The following MAP3K3 variants were observed in gnomAD, a reference collection of about 807,000 sequenced individuals.
The protein encoded by MAP3K3 is MAP/ERK kinase kinase 3.
MAP3K3 carries 12 observed loss-of-function variants against 80.9 expected under a neutral mutation model. That is an observed-to-expected ratio of 0.15 (90% confidence interval 0.10 to 0.24). MAP3K3 has a LOEUF of 0.24. MAP3K3 is among the 10% of genes least tolerant of loss of function. The pLI is 1.00. For synonymous variants in MAP3K3, 272 were observed against 307.1 expected (o/e 0.89, Z 1.19); for missense variants, 596 against 834.7 (o/e 0.71, Z 3.52).
rs560227836 is a variant in MAP3K3, at chr17:63,687,525, A to T, written c.711-1002A>T. Among the ~76,000 whole-genome samples, 156 of 151,518 alleles carry T rather than the reference A, an allele frequency of 1.0e-3. 1 individual carries two copies. The highest frequency in any genetic ancestry group is 3.4e-3 in the African/African-American group (140 of 41,306). On this transcript the variant is annotated intron_variant, in intron 8 of 15. Transcript: ENST00000361733. ...AGATTCCGTCTCAAAAAGAAAAAAA[A>T]AAAAAGCAAAAAAAATTAGCTGGGC... is the stretch of plus-strand genomic sequence containing the variant.
At position 63,691,223 on chromosome 17, in the gene MAP3K3, A is replaced by G; in HGVS notation, c.1334A>G (p.Tyr445Cys). The G allele has an allele frequency of 6.2e-7, 1 of 1,614,158 alleles. No homozygotes were observed. The highest frequency in any genetic ancestry group is 8.5e-7 in the Non-Finnish European group (1 of 1,180,034). ...AAGACCCTGACCATCTTCATGGAGT[A>G]CATGCCAGGGGTACGTGCCCCTTGA... ...AEKTLTIFME[Y>C]MPGGSVKDQL... The change falls in exon 13 of 16, where the codon TAC (tyrosine) becomes TGC (cysteine). Residue 445 changes from tyrosine to cysteine, a missense_variant. Tyr to Cys is a radical substitution (Grantham distance 194). This residue lies in a region of MAP3K3 where 364 missense variants were observed against 588.9 expected (regional missense o/e 0.62). Transcript: ENST00000361733. The surrounding 1 kb of genome is among the most constrained non-coding windows in gnomAD (Gnocchi z 4.8).
intron 7 of MAP3K3, 43 bp downstream of exon 7, chr17:63,681,942 C>A: frequency 7.5e-7 from 1 of 1,328,954 alleles, no homozygotes; most frequent in Non-Finnish European, 9.7e-7. Flanking sequence ...CCTGTATCAG[C>A]AGACCAAGCT....
At chr17:63,690,201 G>A in intron 11 of MAP3K3, 63 bp from the exon 12 acceptor site, 1 of 1,548,830 alleles carries the variant, frequency 6.5e-7, no homozygotes, top group Non-Finnish European at 8.8e-7. Flanking sequence ...TGTTCCTGGA[G>A]AATGAATGGG....
intron 2 of MAP3K3, among the ~76,000 whole-genome samples, chr17:63,644,251 G>C (rs1189977794): frequency 6.6e-6 from 1 of 152,150 alleles, no homozygotes; most frequent in African/African-American, 2.4e-5. Flanking sequence ...GTCTCACTCT[G>C]TCACCCAGAC....
chr17:63,666,608 A>T (rs1598097504), intron 5 of MAP3K3, among the ~76,000 whole-genome samples: 1 of 152,186 alleles, frequency 6.6e-6, no homozygotes, highest in East Asian at 1.9e-4. Context: ...TCTCTGGAGA[A>T]TTTTATGAGA....
At chr17:63,660,015 C>T (rs571122064) in intron 5 of MAP3K3, among the ~76,000 whole-genome samples, 11 of 152,228 alleles carry the variant, frequency 7.2e-5, no homozygotes, top group Admixed American at 7.2e-4. Flanking sequence ...AAGAGCAGGA[C>T]GAGCAGTATA....
chr17:63,634,726 C>T, intron 2 of MAP3K3: 2 of 1,613,190 alleles, frequency 1.2e-6, no homozygotes, highest in Non-Finnish European at 8.5e-7. Flanking sequence ...ACAACAGCAG[C>T]AGCTCAGCCC....
chr17:63,622,795 G>A (rs1461999285), intron 1 of MAP3K3, 32 bp downstream of exon 1: 2 of 481,830 alleles, frequency 4.2e-6, no homozygotes, highest in East Asian at 5.9e-5. Flanking sequence ...GCCTGTGCCC[G>A]CGCTGCTTCG....
intron 7 of MAP3K3, among the ~76,000 whole-genome samples, chr17:63,684,698 C>T (rs920952323): frequency 6.6e-6 from 1 of 152,126 alleles, no homozygotes; most frequent in Non-Finnish European, 1.5e-5. Context: ...CACTATGTTG[C>T]CCAGGCTGGT....
chr17:63,662,181 A>G (rs2034906343), intron 5 of MAP3K3, among the ~76,000 whole-genome samples: 1 of 148,250 alleles, frequency 6.7e-6, no homozygotes, highest in Admixed American at 6.8e-5. Context: ...TGAGGCAGGC[A>G]GATTACTTGA....
chr17:63,674,012 G>A (rs1465938578), intron 6 of MAP3K3, among the ~76,000 whole-genome samples: 1 of 151,598 alleles, frequency 6.6e-6, no homozygotes, highest in African/African-American at 2.4e-5. Flanking sequence ...CCCGGGAGGC[G>A]GAGGTTGCAG....
At chr17:63,671,956 A>C (rs1202258717) in intron 6 of MAP3K3, among the ~76,000 whole-genome samples, 1 of 151,862 alleles carries the variant, frequency 6.6e-6, no homozygotes. Flanking sequence ...AGCTTAGCCT[A>C]GACAACATAA....
chr17:63,662,560 G>A (rs1230952283), intron 5 of MAP3K3, among the ~76,000 whole-genome samples: 1 of 152,182 alleles, frequency 6.6e-6, no homozygotes, highest in East Asian at 1.9e-4. Flanking sequence ...GACTGCTCAG[G>A]TGAGGCAGTG....
In MAP3K3 at chr17:63,692,563, G is replaced by T; in HGVS notation, c.1652+144G>T. 1.2e-6 allele frequency: 1 copy of T among 808,028 alleles called. No individual in the cohort carries two copies. Among genetic ancestry groups the T allele is most frequent in the Non-Finnish European group, 1.9e-6 (1 of 531,454 alleles). The allele number at this position is 808,028 out of a possible 1,614,324, so 50.1% of individuals were successfully genotyped here. A position where few individuals can be genotyped will look rare whatever the true frequency, so the allele number is the denominator to read the frequency against. On this transcript the variant is annotated intron_variant, in intron 15 of 15. Coordinates refer to ENST00000361733, the MANE Select transcript of MAP3K3 (RefSeq NM_002401.5). This position sits in a 1 kb window ranked among gnomAD's most constrained non-coding sequence, Gnocchi z 4.5. ...GCAGTGTGTGCAAGGGTATTATTGG[G>T]TGCAGTAGCACACACACCACATGGG...
At chr17:63,688,670 T>C in intron 9 of MAP3K3, 76 bp downstream of exon 9, 2 of 1,472,400 alleles carry the variant, frequency 1.4e-6, no homozygotes, top group South Asian at 2.3e-5. Context: ...TCGACTTTTC[T>C]GAGTCAGTAG....
At chr17:63,627,880 G>A (rs1166292634) in intron 1 of MAP3K3, among the ~76,000 whole-genome samples, 5 of 151,154 alleles carry the variant, frequency 3.3e-5, no homozygotes, top group African/African-American at 9.7e-5. Context: ...CAATGCGCCC[G>A]GCCTGTCACT....
At chr17:63,639,113 A>G (rs1356868131) in intron 2 of MAP3K3, among the ~76,000 whole-genome samples, 1 of 152,224 alleles carries the variant, frequency 6.6e-6, no homozygotes, top group Non-Finnish European at 1.5e-5. Flanking sequence ...TGAAAAAAAG[A>G]AAGTATGATA....
At chr17:63,657,974 G>A (rs1315733129) in intron 5 of MAP3K3, 67 bp downstream of exon 5, 10 of 881,374 alleles carry the variant, frequency 1.1e-5, no homozygotes, top group Middle Eastern at 2.2e-4. Context: ...AACTTGTCTC[G>A]CCTCCTTGAC....
rs912297849 is a variant in MAP3K3 at position 63,677,790 on chromosome 17, C to T, written c.503-3976C>T. On this transcript the variant is annotated intron_variant, in intron 6 of 15. Coordinates refer to ENST00000361733, the MANE Select transcript of MAP3K3 (RefSeq NM_002401.5). ...GCTGAAGCAGGAGGATCCCTTGAGC[C>T]CAAGGAGTTTGGGGCTACAGTGAGC... is the stretch of plus-strand genomic sequence containing the variant. Among the ~76,000 whole-genome samples, 7 of 152,084 alleles carry T rather than the reference C, an allele frequency of 4.6e-5. No individual in the cohort carries two copies. The South Asian group carries it at 1.5e-3, about 32-fold the overall frequency.
Sources: allele counts gnomAD v4.1 joint callset (sites outside exome capture counted in the v4.1 genomes callset), GRCh38; gene constraint gnomAD v4.1.1; regional missense constraint gnomAD v4.1.1; non-coding constraint Gnocchi (gnomAD v3.1); transcripts MANE v1.5; gene names NCBI Gene and HGNC (gene_info 2026-07-23, HGNC 2026-07-21).